DYTN: variants seen among roughly 807,000 people sequenced by gnomAD.
DYTN encodes the protein dystrotelin.
In DYTN, 75 loss-of-function variants were observed where a neutral mutation model predicts 69.6. That is an observed-to-expected ratio of 1.08 (90% CI 0.89 to 1.31). The LOEUF (loss-of-function observed/expected upper bound fraction) is 1.31. Among genes scored for constraint, DYTN ranks in the 50% most tolerant of loss-of-function variants. DYTN has a pLI of 0.00. For synonymous variants in DYTN, 252 were observed against 249.1 expected (o/e 1.01, Z -0.11); for missense variants, 726 against 688.4 (o/e 1.05, Z -0.61).
At chr2:206,667,868 G>A (rs1232437557) in intron 9 of DYTN, among the ~76,000 whole-genome samples, 2 of 152,144 alleles carry the variant, frequency 1.3e-5, no homozygotes, top group Admixed American at 6.6e-5. Context: ...TGGCTGTCTG[G>A]TATGAAATGC....
intron 8 of DYTN, 73 bp downstream of exon 8, chr2:206,694,693 G>A: frequency 8.1e-7 from 1 of 1,239,848 alleles, no homozygotes; most frequent in South Asian, 1.8e-5. Context: ...TCACTGGAGG[G>A]AAGGTTTTTT....
At chr2:206,694,666 G>A in intron 8 of DYTN, 100 bp downstream of exon 8, 1 of 888,564 alleles carries the variant, frequency 1.1e-6, no homozygotes. Context: ...TGTATGACAG[G>A]AGCAGAATCT....
chr2:206,680,565 CA>C (rs1699740290), intron 9 of DYTN, among the ~76,000 whole-genome samples: 1 of 152,134 alleles, frequency 6.6e-6, no homozygotes, highest in African/African-American at 2.4e-5. Flanking sequence ...TAGTAGATAG[CA>C]GCTAAAACTT....
At chr2:206,674,136 G>A (rs1293627816) in intron 9 of DYTN, among the ~76,000 whole-genome samples, 1 of 152,134 alleles carries the variant, frequency 6.6e-6, no homozygotes, top group East Asian at 1.9e-4. Flanking sequence ...ATAGACCAAA[G>A]GCTGACCAGT....
At chr2:206,684,071 T>G (rs1699781092) in intron 9 of DYTN, among the ~76,000 whole-genome samples, 1 of 152,130 alleles carries the variant, frequency 6.6e-6, no homozygotes, top group Non-Finnish European at 1.5e-5. Flanking sequence ...GCAGAAATCC[T>G]TGTCTCTTTT....
At chr2:206,657,541 A>AT (rs1229219381) in intron 11 of DYTN, among the ~76,000 whole-genome samples, 2 of 152,206 alleles carry the variant, frequency 1.3e-5, no homozygotes, top group Non-Finnish European at 2.9e-5. Context: ...TTTAACTTTC[A>AT]TATTAAAATT....
intron 1 of DYTN, among the ~76,000 whole-genome samples, chr2:206,717,525 A>G (rs1177647411): frequency 6.6e-6 from 1 of 152,232 alleles, no homozygotes; most frequent in Non-Finnish European, 1.5e-5. Flanking sequence ...TGCCTTAGAA[A>G]ATTGAGAAAG....
At chr2:206,688,638 AT>A (rs1362422396) in intron 9 of DYTN, among the ~76,000 whole-genome samples, 3 of 152,264 alleles carry the variant, frequency 2.0e-5, no homozygotes, top group African/African-American at 7.2e-5. Flanking sequence ...TTACAAATAA[AT>A]TTTTGCAAGT....
intron 1 of DYTN, among the ~76,000 whole-genome samples, chr2:206,712,842 C>G (rs1250239673): frequency 6.6e-6 from 1 of 152,220 alleles, no homozygotes; most frequent in Non-Finnish European, 1.5e-5. Context: ...GGGTACATAC[C>G]AAAGTCAGGC....
intron 9 of DYTN, among the ~76,000 whole-genome samples, chr2:206,692,570 T>C (rs1046705389): frequency 6.6e-6 from 1 of 152,206 alleles, no homozygotes; most frequent in East Asian, 1.9e-4. Flanking sequence ...ATGTTGACTC[T>C]AGAATTTTGG....
At chr2:206,658,543 G>T (rs1306861080) in intron 11 of DYTN, among the ~76,000 whole-genome samples, 1 of 151,954 alleles carries the variant, frequency 6.6e-6, no homozygotes, top group Non-Finnish European at 1.5e-5. Flanking sequence ...GCTGCCTTTT[G>T]TTTTTAAGCA....
At chr2:206,675,699 A>G (rs1204747597) in intron 9 of DYTN, among the ~76,000 whole-genome samples, 1 of 152,196 alleles carries the variant, frequency 6.6e-6, no homozygotes, top group Non-Finnish European at 1.5e-5. Context: ...TAATTTTGGC[A>G]CCTTAGAAAT....
At chr2:206,694,703 T>G in intron 8 of DYTN, 63 bp downstream of exon 8, 1 of 1,350,506 alleles carries the variant, frequency 7.4e-7, no homozygotes, top group Non-Finnish European at 9.9e-7. Context: ...GAAGGTTTTT[T>G]CATGGCTATA....
chr2:206,673,481 C>T (rs1284941957), intron 9 of DYTN, among the ~76,000 whole-genome samples: 1 of 152,144 alleles, frequency 6.6e-6, no homozygotes, highest in African/African-American at 2.4e-5. Flanking sequence ...TGGTCTCGAA[C>T]TCCTGACTTC....
chr2:206,691,024 A>G (rs6704787), intron 9 of DYTN, among the ~76,000 whole-genome samples: 18,525 of 152,200 alleles, frequency 0.12, 2,369 homozygotes, highest in African/African-American at 0.33. Context: ...AGGCATAAGG[A>G]TTTGGAAGGG....
At chr2:206,654,179 A>G (rs1444219315) in intron 11 of DYTN, among the ~76,000 whole-genome samples, 1 of 152,186 alleles carries the variant, frequency 6.6e-6, no homozygotes, top group Non-Finnish European at 1.5e-5. Context: ...TTCTGTGTAT[A>G]TCTGTATCTC....
chr2:206,660,985 G>A (rs1559304530), intron 11 of DYTN, among the ~76,000 whole-genome samples: 1 of 151,970 alleles, frequency 6.6e-6, no homozygotes, highest in South Asian at 2.1e-4. Context: ...TTGGAGACAG[G>A]GTCTTTAAAG....
chr2:206,651,819 C>G lies in DYTN; in HGVS notation c.1736G>C (p.Ter579SerextTer31). 1 of 1,613,446 alleles carries G rather than the reference C, an allele frequency of 6.2e-7. No homozygotes were observed. The highest frequency in any genetic ancestry group is 1.3e-5 in the African/African-American group (1 of 75,002). Residue 579 changes from the stop codon to serine, a stop_lost, in exon 12 of 12, where the codon TGA (stop) becomes TCA (serine). Transcript: ENST00000452335. ...VDQIALPNLK[*>S] Reference sequence around the variant, plus strand: ...AGGCCTTTGAGCCTGGACTCCATTTCACTTCAAATTGGGCAAGGCAATTTG... The same window carrying G: ...AGGCCTTTGAGCCTGGACTCCATTTGACTTCAAATTGGGCAAGGCAATTTG...
chr2:206,709,385 G>A (rs1201023502), intron 2 of DYTN, among the ~76,000 whole-genome samples: 2 of 152,062 alleles, frequency 1.3e-5, no homozygotes, highest in Non-Finnish European at 2.9e-5. Context: ...GGAGGCAGAG[G>A]TTGCAGTGAG....
Sources: gnomAD v4.1 joint callset for allele counts (sites outside exome capture counted in the v4.1 genomes callset) on GRCh38, gnomAD v4.1.1 for gene constraint, MANE v1.5 for transcripts, NCBI Gene and HGNC (gene_info 2026-07-23, HGNC 2026-07-21) for gene names.